MALRD1: variants seen among roughly 807,000 people sequenced by gnomAD.
MALRD1 encodes MAM and LDL receptor class A domain containing 1.
A neutral mutation model predicts 242.1 loss-of-function variants in MALRD1; 247 were observed. The ratio of observed to expected loss-of-function variants is 1.02; its 90% CI spans 0.92 to 1.13. The LOEUF (loss-of-function observed/expected upper bound fraction) is 1.13, where lower values mean the gene tolerates loss of function less well. Among genes scored for constraint, MALRD1 ranks in the 50% most tolerant of loss-of-function variants. The pLI is 0.00. For missense variants in MALRD1, 2,989 were observed against 2,533.1 expected (o/e 1.18, Z -3.86); for synonymous variants, 995 against 866.6 (o/e 1.15, Z -2.60).
intron 5 of MALRD1, among the ~76,000 whole-genome samples, chr10:19,106,377 G>C (rs1489811767): frequency 1.3e-5 from 2 of 151,644 alleles, no homozygotes; most frequent in Non-Finnish European, 3.0e-5. Context: ...TTCAACTTTA[G>C]TAGGTTTTAT....
chr10:19,056,045 G>GGT, intron 1 of MALRD1, among the ~76,000 whole-genome samples: 1 of 152,098 alleles, frequency 6.6e-6, no homozygotes, highest in East Asian at 1.9e-4. Context: ...TTGTTCTGTT[G>GGT]GTGTATGTGT....
chr10:19,253,854 C>T (rs1839395845), intron 18 of MALRD1, among the ~76,000 whole-genome samples: 1 of 151,918 alleles, frequency 6.6e-6, no homozygotes, highest in African/African-American at 2.4e-5. Context: ...TGTCCTCACC[C>T]ACATCTCACC....
intron 36 of MALRD1, among the ~76,000 whole-genome samples, chr10:19,685,153 C>T (rs2131804568): frequency 6.6e-6 from 1 of 152,206 alleles, no homozygotes; most frequent in South Asian, 2.1e-4. Context: ...GGTGAGATTG[C>T]ACATTTTTTA....
chr10:19,696,101 T>C (rs935518160), intron 38 of MALRD1, among the ~76,000 whole-genome samples: 4 of 152,164 alleles, frequency 2.6e-5, no homozygotes, highest in East Asian at 3.9e-4. Context: ...TCCCATGTAC[T>C]GAGCATGTGC....
Position 19,048,875 on chromosome 10 carries a change from G to T in MALRD1, c.-64G>T, listed in dbSNP as rs941262973. ...GGAAAGGAAGAATAGAGAAATAAAAGAATGTTTCCAATGATGGACTTACTT... is the reference window on the plus strand; with the variant it reads ...GGAAAGGAAGAATAGAGAAATAAAATAATGTTTCCAATGATGGACTTACTT... On this transcript the variant is annotated 5_prime_UTR_variant, in exon 1 of 40. Coordinates refer to ENST00000454679, the MANE Select transcript of MALRD1 (RefSeq NM_001142308.3). 62 of 1,153,726 alleles carry T rather than the reference G, an allele frequency of 5.4e-5. No individual in the cohort carries two copies. The highest frequency in any genetic ancestry group is 6.2e-5 in the Non-Finnish European group (57 of 915,518). 71.5% of individuals were successfully genotyped at this position (1,153,726 alleles called of 1,614,324 possible).
At chr10:19,097,394 A>T (rs1836081085) in intron 4 of MALRD1, among the ~76,000 whole-genome samples, 1 of 152,218 alleles carries the variant, frequency 6.6e-6, no homozygotes, top group African/African-American at 2.4e-5. Context: ...ATGACTCATT[A>T]AATATTCTTT....
intron 24 of MALRD1, among the ~76,000 whole-genome samples, chr10:19,346,562 A>C (rs933897334): frequency 2.6e-5 from 4 of 152,218 alleles, no homozygotes; most frequent in African/African-American, 9.7e-5. Context: ...TTCAGTTGTA[A>C]TATTCAAGAA....
At chr10:19,323,387 C>G (rs776131442) in intron 21 of MALRD1, among the ~76,000 whole-genome samples, 1 of 151,950 alleles carries the variant, frequency 6.6e-6, no homozygotes, top group Admixed American at 6.6e-5. Context: ...AAATATCAAC[C>G]AAGTTATTAC....
chr10:19,688,012 C>G (rs1297211796), intron 36 of MALRD1, among the ~76,000 whole-genome samples: 1 of 151,702 alleles, frequency 6.6e-6, no homozygotes, highest in Non-Finnish European at 1.5e-5. Flanking sequence ...CTGTGTTGCC[C>G]AGGCTGGAGC....
chr10:19,608,848 T>A (rs1482209816), intron 35 of MALRD1, among the ~76,000 whole-genome samples: 1 of 152,062 alleles, frequency 6.6e-6, no homozygotes, highest in Non-Finnish European at 1.5e-5. Context: ...TCTGGCCCCA[T>A]AAAATGTGCA....
chr10:19,690,280 C>T (rs1445266953), intron 36 of MALRD1, among the ~76,000 whole-genome samples: 1 of 152,038 alleles, frequency 6.6e-6, no homozygotes, highest in East Asian at 1.9e-4. Flanking sequence ...TCATGTTAAC[C>T]GATAGGATGA....
intron 36 of MALRD1, among the ~76,000 whole-genome samples, chr10:19,690,733 T>C (rs1158114172): frequency 6.6e-6 from 1 of 151,778 alleles, no homozygotes; most frequent in Non-Finnish European, 1.5e-5. Flanking sequence ...TATATATAAA[T>C]ATAAATATAT....
Position 19,071,097 on chromosome 10 carries a change from C to T in MALRD1, c.340+4238C>T, listed in dbSNP as rs117944625. 6.1e-3 allele frequency among the ~76,000 whole-genome samples: 929 copies of T among 151,950 alleles called. 35 individuals are homozygous for T. The East Asian group carries it at 0.092, about 15-fold the overall frequency. ...AACTCCTGGCCTCAGGTGATCTCCC[C>T]GCCTCAGCATCCCAAAGTGGTGGGA... On this transcript the variant is annotated intron_variant, in intron 2 of 39. Transcript: ENST00000454679.
chr10:19,418,656 AT>A (rs1179876007), intron 28 of MALRD1, among the ~76,000 whole-genome samples: 13 of 152,198 alleles, frequency 8.5e-5, no homozygotes, highest in African/African-American at 3.1e-4. Context: ...AAGACATCAT[AT>A]TTTAATCATG....
In MALRD1 at chr10:19,257,683, G is replaced by T; in HGVS notation, c.2992-1G>T. ...TTTTATTTTTTATTTTATTTTTTTA[G>T]ATATTGGTGGAGGCTTCAGTGGGAG... On this transcript the variant is annotated splice_acceptor_variant, in intron 18 of 39. Transcript: ENST00000454679. LOFTEE classifies it high-confidence loss of function. The T allele has an allele frequency of 6.6e-7, 1 of 1,522,074 alleles. No individual in the cohort carries two copies. The highest frequency in any genetic ancestry group is 1.7e-4 in the Middle Eastern group (1 of 5,858). The allele number at this position is 1,522,074 out of a possible 1,614,324, so 94.3% of individuals were successfully genotyped here.
intron 28 of MALRD1, among the ~76,000 whole-genome samples, chr10:19,432,728 A>G (rs1344572241): frequency 1.3e-5 from 2 of 152,222 alleles, no homozygotes; most frequent in East Asian, 3.8e-4. Context: ...CCATTTTGAA[A>G]GTTCTGAAAA....
chr10:19,335,016 A>AG (rs1319829316), intron 24 of MALRD1, among the ~76,000 whole-genome samples: 3 of 152,086 alleles, frequency 2.0e-5, no homozygotes, highest in African/African-American at 7.2e-5. Context: ...TCTCTGTATT[A>AG]GGGAACGTAT....
At chr10:19,435,501 G>C (rs1028804210) in intron 28 of MALRD1, among the ~76,000 whole-genome samples, 3 of 152,026 alleles carry the variant, frequency 2.0e-5, no homozygotes, top group East Asian at 1.9e-4. Context: ...GTGATCATGA[G>C]AGTTTTAAGG....
chr10:19,418,701 A>G lies in MALRD1; in HGVS notation c.4845+29092A>G, dbSNP rs921663241. On this transcript the variant is annotated intron_variant, in intron 28 of 39. Coordinates refer to ENST00000454679, the MANE Select transcript of MALRD1 (RefSeq NM_001142308.3). ...TATGAAAGCTTATTTTCAAAGCCAC[A>G]TAGAAGAGATATCTCTTTATCTGCC... is the stretch of plus-strand genomic sequence containing the variant. 4.6e-5 allele frequency among the ~76,000 whole-genome samples: 7 copies of G among 152,326 alleles called. No homozygotes were observed. In the East Asian group the frequency reaches 1.3e-3, roughly 29 times the overall value.
Sources: allele counts gnomAD v4.1 joint callset (sites outside exome capture counted in the v4.1 genomes callset), GRCh38; gene constraint gnomAD v4.1.1; transcripts MANE v1.5; gene names NCBI Gene and HGNC (gene_info 2026-07-23, HGNC 2026-07-21).